MYLK: variants seen among roughly 807,000 people sequenced by gnomAD.
The protein encoded by MYLK is myosin light chain kinase, smooth muscle.
A neutral mutation model predicts 203.4 loss-of-function variants in MYLK; 106 were observed. The ratio of observed to expected loss-of-function variants is 0.52; its 90% CI spans 0.45 to 0.61. MYLK has a LOEUF of 0.61. Among genes scored for constraint, MYLK ranks in the 20% least tolerant of loss-of-function variants. The probability of loss-of-function intolerance (pLI) is 0.00; values close to 1 mark genes in which losing one functional copy is unlikely to be tolerated. For synonymous variants in MYLK, 867 were observed against 959.5 expected (o/e 0.90, Z 1.78); for missense variants, 2,072 against 2,442.3 (o/e 0.85, Z 3.20).
chr3:123,859,960 A>T (rs2031749325), intron 2 of MYLK, among the ~76,000 whole-genome samples: 1 of 151,494 alleles, frequency 6.6e-6, no homozygotes, highest in South Asian at 2.1e-4. Context: ...TTTCAGACGC[A>T]GTTAGAAAAA....
At chr3:123,638,777 T>G (rs2058733764) in intron 28 of MYLK, 2 of 985,290 alleles carry the variant, frequency 2.0e-6, no homozygotes, top group African/African-American at 3.5e-5. Context: ...GCTTCATGGC[T>G]GTCCTTCAGG....
At chr3:123,736,906 G>A (rs775025461) in intron 8 of MYLK, among the ~76,000 whole-genome samples, 5 of 152,252 alleles carry the variant, frequency 3.3e-5, no homozygotes, top group South Asian at 2.1e-4. Flanking sequence ...CCAGGTCTGC[G>A]CTGCCCTGTT....
intron 2 of MYLK, among the ~76,000 whole-genome samples, chr3:123,873,354 G>T (rs1203255716): frequency 1.3e-5 from 2 of 151,972 alleles, no homozygotes; most frequent in African/African-American, 4.8e-5. Flanking sequence ...GATGATAGAA[G>T]ACTCAACACC....
chr3:123,797,638 C>T (rs1347171836), intron 3 of MYLK, among the ~76,000 whole-genome samples: 1 of 152,124 alleles, frequency 6.6e-6, no homozygotes, highest in Admixed American at 6.5e-5. Context: ...GAGGATCAGA[C>T]TTTTGTGACC....
intron 29 of MYLK, among the ~76,000 whole-genome samples, chr3:123,637,308 GT>G (rs1655977499): frequency 1.3e-5 from 2 of 152,064 alleles, no homozygotes; most frequent in Non-Finnish European, 2.9e-5. Flanking sequence ...GAGCGCAGTC[GT>G]TGAACCAGCA....
intron 16 of MYLK, among the ~76,000 whole-genome samples, chr3:123,705,361 G>T (rs2061422609): frequency 6.6e-6 from 1 of 152,232 alleles, no homozygotes; most frequent in African/African-American, 2.4e-5. Context: ...AAGAGGCAAA[G>T]GCTGCAGGCT....
At chr3:123,801,433 T>A (rs2065191866) in intron 3 of MYLK, among the ~76,000 whole-genome samples, 1 of 152,226 alleles carries the variant, frequency 6.6e-6, no homozygotes, top group Non-Finnish European at 1.5e-5. Flanking sequence ...TAAAAAAAAC[T>A]TTTATTCTAG....
At chr3:123,704,747 C>CAAAAAAAAA (rs5852352) in intron 16 of MYLK, among the ~76,000 whole-genome samples, 298 of 87,460 alleles carry the variant, frequency 3.4e-3, no homozygotes, top group Middle Eastern at 6.6e-3. Context: ...ACTAAAAATA[C>CAAAAAAAAA]AAAAAAAAAA....
At chr3:123,808,064 A>C (rs2124508) in intron 3 of MYLK, among the ~76,000 whole-genome samples, 52,775 of 152,058 alleles carry the variant, frequency 0.35, 9,488 homozygotes, top group East Asian at 0.58. Context: ...GCCAAGCCAA[A>C]CCTGCCAGGG....
chr3:123,869,675 A>G (rs1379616274), intron 2 of MYLK, among the ~76,000 whole-genome samples: 1 of 152,212 alleles, frequency 6.6e-6, no homozygotes, highest in Non-Finnish European at 1.5e-5. Flanking sequence ...CACCTCTGTC[A>G]GCCCAGGAGA....
chr3:123,851,217 T>C (rs1268391424), intron 2 of MYLK, among the ~76,000 whole-genome samples: 2 of 152,232 alleles, frequency 1.3e-5, no homozygotes, highest in East Asian at 1.9e-4. Context: ...AGGATTGTCT[T>C]GGCAATGTGG....
At chr3:123,831,782 G>A (rs547057548) in intron 2 of MYLK, 112 bp from the exon 3 acceptor site, 2 of 173,134 alleles carry the variant, frequency 1.2e-5, no homozygotes, top group East Asian at 1.6e-4. Flanking sequence ...TGTAGAAATA[G>A]GGAAGCATCC....
At chr3:123,618,604 T>C (rs2057654233) in intron 33 of MYLK, 35 bp downstream of exon 33, 1 of 1,613,080 alleles carries the variant, frequency 6.2e-7, no homozygotes, top group Non-Finnish European at 8.5e-7. Flanking sequence ...AGCCACACCC[T>C]ATTCATGGTG....
chr3:123,620,192 G>A lies in MYLK; in HGVS notation c.5368+15C>T. 1.3e-6 allele frequency: 2 copies of A among 1,590,600 alleles called. No individual in the cohort carries two copies. Among genetic ancestry groups the A allele is most frequent in the Non-Finnish European group, 1.7e-6 (2 of 1,159,566 alleles). ...CTTTCTTTCTCACCAGCTGGCTGGAGAAACTCCTCCTTACCTTCAGATTCT... is the reference window on the plus strand; with the variant it reads ...CTTTCTTTCTCACCAGCTGGCTGGAAAAACTCCTCCTTACCTTCAGATTCT... On this transcript the variant is annotated intron_variant, in intron 32 of 33. Transcript: ENST00000360304.
At position 123,725,950 on chromosome 3, in the gene MYLK, G is replaced by A. The variant is rs202169237; in HGVS notation, c.1645C>T (p.Leu549=). Residue 549 remains leucine (L), a synonymous_variant, in exon 12 of 34, where the codon CTG becomes TTG. Coordinates refer to ENST00000360304, the MANE Select transcript of MYLK (RefSeq NM_053025.4). The part of the protein sequence containing the change: ...GTPVPRITWL[L]NGQPIQYARS... ...TGGGGCAGGGGGAACTCACCATTCA[G>A]CAGCCAAGTGATCCGGGGCACTGGG... 2 of 1,613,874 alleles carry A rather than the reference G, an allele frequency of 1.2e-6. No homozygotes were observed. Among genetic ancestry groups the A allele is most frequent in the East Asian group, 4.5e-5 (2 of 44,874 alleles).
Position 123,642,010 on chromosome 3 carries a change from G to A in MYLK, c.4620-1506C>T, listed in dbSNP as rs1018793685. On this transcript the variant is annotated intron_variant, in intron 27 of 33. Coordinates refer to ENST00000360304, the MANE Select transcript of MYLK (RefSeq NM_053025.4). The surrounding 1 kb of genome is among the most constrained non-coding windows in gnomAD (Gnocchi z 4.2). ...GCTAGGACTACAGGTATGTGCCACCGCACCTGGCTAATTTTTTTAATGTTT... is the reference window on the plus strand; with the variant it reads ...GCTAGGACTACAGGTATGTGCCACCACACCTGGCTAATTTTTTTAATGTTT... Among the ~76,000 whole-genome samples the A allele has an allele frequency of 7.9e-5, 12 of 151,772 alleles. No individual in the cohort carries two copies. The highest frequency in any genetic ancestry group is 2.7e-4 in the African/African-American group (11 of 41,288).
At chr3:123,708,324 G>T (rs886850374) in intron 15 of MYLK, among the ~76,000 whole-genome samples, 1 of 152,204 alleles carries the variant, frequency 6.6e-6, no homozygotes, top group African/African-American at 2.4e-5. Flanking sequence ...CACTTTATGT[G>T]TGCTTAACTT....
chr3:123,827,530 T>C (rs1263286558), intron 3 of MYLK, among the ~76,000 whole-genome samples: 1 of 151,232 alleles, frequency 6.6e-6, no homozygotes, highest in Non-Finnish European at 1.5e-5. Flanking sequence ...AAAAACTCTG[T>C]CAGCCAAGAA....
At chr3:123,646,641 A>G (rs1043076603) in intron 27 of MYLK, among the ~76,000 whole-genome samples, 1 of 152,256 alleles carries the variant, frequency 6.6e-6, no homozygotes, top group Admixed American at 6.5e-5. Context: ...GCTGGAGGTC[A>G]TCTGATAATC....
Sources: allele counts gnomAD v4.1 joint callset (sites outside exome capture counted in the v4.1 genomes callset), GRCh38; gene constraint gnomAD v4.1.1; non-coding constraint Gnocchi (gnomAD v3.1); transcripts MANE v1.5; gene names NCBI Gene and HGNC (gene_info 2026-07-23, HGNC 2026-07-21).